NCBP1: variants seen among roughly 807,000 people sequenced by gnomAD.
NCBP1 encodes nuclear cap-binding protein subunit 1.
A neutral mutation model predicts 111.7 loss-of-function variants in NCBP1; 16 were observed. The observed-to-expected ratio is 0.14, with a 90% CI of 0.10 to 0.22. The LOEUF (loss-of-function observed/expected upper bound fraction) is 0.22. NCBP1 is among the 10% of genes least tolerant of loss of function. The pLI is 1.00. For missense variants in NCBP1, 607 were observed against 957.5 expected, an observed-to-expected ratio of 0.63 and a Z score of 4.83; for synonymous variants, 304 against 314.3, an observed-to-expected ratio of 0.97 and a Z score of 0.35.
At position 97,633,887 on chromosome 9, in the gene NCBP1, G is replaced by A; in HGVS notation, c.6G>A (p.Ser2=). The A allele has an allele frequency of 1.3e-6, 2 of 1,588,042 alleles. No homozygotes were observed. ...GCGGCGCACCGGAGGGCAGCATGTCGCGGCGGCGGCACAGCGACGAGAACG... is the reference window on the plus strand; with the variant it reads ...GCGGCGCACCGGAGGGCAGCATGTCACGGCGGCGGCACAGCGACGAGAACG... The part of the protein sequence containing the change: M[S]RRRHSDENDG... The change falls in exon 1 of 23, where the codon TCG becomes TCA. Residue 2 remains serine (S), a synonymous_variant. Coordinates refer to ENST00000375147, the MANE Select transcript of NCBP1 (RefSeq NM_002486.5).
At chr9:97,666,473 C>T (rs1255943867) in intron 19 of NCBP1, among the ~76,000 whole-genome samples, 1 of 152,100 alleles carries the variant, frequency 6.6e-6, no homozygotes, top group East Asian at 1.9e-4. Context: ...CATAGTTTGC[C>T]ATTTCAATTC....
intron 20 of NCBP1, among the ~76,000 whole-genome samples, chr9:97,668,639 A>G (rs568015124): frequency 3.3e-5 from 5 of 151,990 alleles, no homozygotes; most frequent in Non-Finnish European, 5.9e-5. Flanking sequence ...ATAAGAACCC[A>G]TGGAATTTCT....
chr9:97,643,343 A>T lies in NCBP1; in HGVS notation c.364A>T (p.Asn122Tyr). The stretch of plus-strand genomic sequence containing the variant: ...AGAATCATTGAAAGCAAACAATTAT[A>T]ATGAAGCCGTGTATTTGGTAAGTTA... ...LKESLKANNYNEAVYLVRFLS... is the reference protein window; with the variant it reads ...LKESLKANNYYEAVYLVRFLS... The change falls in exon 4 of 23, where the codon AAT becomes TAT. Residue 122 changes from asparagine to tyrosine, a missense_variant. Around this residue, in one of 9 missense-constraint regions of NCBP1, gnomAD observed 185 missense variants for 272.0 expected, o/e 0.68. Coordinates refer to ENST00000375147, the MANE Select transcript of NCBP1 (RefSeq NM_002486.5). 6.2e-7 allele frequency: 1 copy of T among 1,602,756 alleles called. No individual in the cohort carries two copies. The highest frequency in any genetic ancestry group is 8.5e-7 in the Non-Finnish European group (1 of 1,176,398).
At chr9:97,647,188 GA>G (rs1056644126) in intron 6 of NCBP1, among the ~76,000 whole-genome samples, 7 of 152,148 alleles carry the variant, frequency 4.6e-5, no homozygotes, top group Non-Finnish European at 8.8e-5. Context: ...TAAATTTTTA[GA>G]AATGGCATTG....
intron 22 of NCBP1, 34 bp from the exon 23 acceptor site, chr9:97,671,052 C>A (rs377744952): frequency 1.4e-6 from 2 of 1,420,608 alleles, no homozygotes. Context: ...TATGCTTTTT[C>A]CTGACCTAAC....
At chr9:97,667,810 C>T (rs899926418) in intron 20 of NCBP1, among the ~76,000 whole-genome samples, 4 of 152,170 alleles carry the variant, frequency 2.6e-5, no homozygotes, top group Non-Finnish European at 4.4e-5. Context: ...TCAGTAGTAA[C>T]GTGTGGTTGC....
At chr9:97,638,795 C>T (rs1381132333) in intron 1 of NCBP1, among the ~76,000 whole-genome samples, 1 of 152,120 alleles carries the variant, frequency 6.6e-6, no homozygotes, top group Non-Finnish European at 1.5e-5. Flanking sequence ...CCACTAGATG[C>T]CAGTTGCTTC....
chr9:97,651,093 C>CTCT (rs1827485165), intron 9 of NCBP1, among the ~76,000 whole-genome samples: 1 of 152,138 alleles, frequency 6.6e-6, no homozygotes, highest in South Asian at 2.1e-4. Context: ...ATTACCTAGA[C>CTCT]TCCTTTTGAG....
intron 20 of NCBP1, 33 bp downstream of exon 20, chr9:97,666,910 G>GA: frequency 7.1e-7 from 1 of 1,402,740 alleles, no homozygotes. Context: ...AGTAGTTAAA[G>GA]AAAATATACC....
chr9:97,654,026 T>C, intron 11 of NCBP1, 118 bp downstream of exon 11: 1 of 743,000 alleles, frequency 1.3e-6, no homozygotes. Context: ...TGAAGTGTGT[T>C]GTGTGTGTGT....
chr9:97,647,746 A>G (rs1022384935), intron 7 of NCBP1, among the ~76,000 whole-genome samples, 185 bp downstream of exon 7: 1 of 152,264 alleles, frequency 6.6e-6, no homozygotes, highest in Admixed American at 6.5e-5. Context: ...TAATTGAAAT[A>G]TTCCCTTGTT....
intron 8 of NCBP1, among the ~76,000 whole-genome samples, chr9:97,649,748 T>C (rs1827447056): frequency 6.6e-6 from 1 of 151,812 alleles, no homozygotes; most frequent in Non-Finnish European, 1.5e-5. Flanking sequence ...ATTTTTTTTT[T>C]TTTGTGCAGG....
intron 22 of NCBP1, 113 bp downstream of exon 22, chr9:97,669,819 T>C: frequency 1.3e-6 from 1 of 754,088 alleles, no homozygotes; most frequent in Middle Eastern, 2.9e-4. Context: ...TGTTAGACCC[T>C]TTAGTTCATG....
In NCBP1 at chr9:97,645,646, A is replaced by G. The variant is rs1170527018; in HGVS notation, c.525A>G (p.Ser175=). 6.2e-7 allele frequency: 1 copy of G among 1,613,924 alleles called. No homozygotes were observed. Among genetic ancestry groups the G allele is most frequent in the Non-Finnish European group, 8.5e-7 (1 of 1,179,922 alleles). Residue 175 remains serine (S), a synonymous_variant, in exon 6 of 23, where the codon TCA becomes TCG. Coordinates refer to ENST00000375147, the MANE Select transcript of NCBP1 (RefSeq NM_002486.5). ...ATTGGTATGTGTATGCATTTCTGTC[A>G]TCTTTGCCCTGGGTTGGAAAGGAGT... ...RRDWYVYAFL[S]SLPWVGKELY... is the part of the protein sequence containing the mutation.
chr9:97,668,611 T>C (rs904255310), intron 20 of NCBP1, among the ~76,000 whole-genome samples: 7 of 152,116 alleles, frequency 4.6e-5, no homozygotes, highest in African/African-American at 1.4e-4. Context: ...CAAGTGCCAC[T>C]AAATTTCCCT....
rs1008248168 is a variant in NCBP1, at chr9:97,673,151, A to T, written c.*1952A>T. 1 of 152,200 alleles carries T rather than the reference A, an allele frequency of 6.6e-6. No individual in the cohort carries two copies. The highest frequency in any genetic ancestry group is 1.5e-5 in the Non-Finnish European group (1 of 68,048). 9.4% of individuals were successfully genotyped at this position (152,200 alleles called of 1,614,324 possible). A position where few individuals can be genotyped will look rare whatever the true frequency, so the allele number is the denominator to read the frequency against. The stretch of plus-strand genomic sequence containing the variant: ...TCAAAAAAGAAAAAAAATATATAGC[A>T]TATAACATACAAAATGAGTTTATCA... On this transcript the variant is annotated 3_prime_UTR_variant, in exon 23 of 23. Transcript: ENST00000375147.
chr9:97,653,875 G>A lies in NCBP1; in HGVS notation c.1137G>A (p.Leu379=). 1 of 1,613,856 alleles carries A rather than the reference G, an allele frequency of 6.2e-7. No homozygotes were observed. The highest frequency in any genetic ancestry group is 8.5e-7 in the Non-Finnish European group (1 of 1,179,902). ...TGTACACAACACTCCTCATTGAACT[G>A]TGCAAACTTCAACCTGGCTCTCTAC... ...DVMYTTLLIE[L]CKLQPGSLPQ... The change falls in exon 11 of 23, where the codon CTG becomes CTA. Residue 379 remains leucine (L), a synonymous_variant. Transcript: ENST00000375147.
intron 3 of NCBP1, 80 bp from the exon 4 acceptor site, chr9:97,643,124 G>A: frequency 7.3e-7 from 1 of 1,377,722 alleles, no homozygotes. Flanking sequence ...TTAATGGAAT[G>A]ATAAAAAGAT....
intron 19 of NCBP1, 32 bp from the exon 20 acceptor site, chr9:97,666,731 C>T: frequency 1.4e-6 from 2 of 1,380,786 alleles, no homozygotes; most frequent in Non-Finnish European, 1.0e-6. Context: ...CATAGCTTGA[C>T]ATACAGTAAC....
Sources: allele counts gnomAD v4.1 joint callset (sites outside exome capture counted in the v4.1 genomes callset), GRCh38; gene constraint gnomAD v4.1.1; regional missense constraint gnomAD v4.1.1; transcripts MANE v1.5; gene names NCBI Gene and HGNC (gene_info 2026-07-23, HGNC 2026-07-21).